Variants in FNDC3A observed in about 807,000 individuals in gnomAD.
FNDC3A encodes the protein fibronectin type-III domain-containing protein 3A.
A neutral mutation model predicts 148.9 loss-of-function variants in FNDC3A; 32 were observed. The ratio of observed to expected loss-of-function variants is 0.21; its 90% CI spans 0.16 to 0.29. The LOEUF (loss-of-function observed/expected upper bound fraction) is 0.29. Ranked by LOEUF, FNDC3A falls within the 10% of genes least tolerant of loss-of-function variation. FNDC3A has a pLI of 1.00. For missense variants in FNDC3A, 1,191 were observed against 1,452.8 expected, an observed-to-expected ratio of 0.82 and a Z score of 2.93; for synonymous variants, 472 against 473.6, an observed-to-expected ratio of 1.00 and a Z score of 0.04.
At chr13:48,986,035 CA>C (rs1218645508) in intron 1 of FNDC3A, among the ~76,000 whole-genome samples, 5 of 152,040 alleles carry the variant, frequency 3.3e-5, no homozygotes, top group South Asian at 2.1e-4. Context: ...TGTCTGAAGT[CA>C]TTGGTGTTTT....
intron 3 of FNDC3A, among the ~76,000 whole-genome samples, chr13:49,094,284 T>G (rs186084414): frequency 6.6e-6 from 1 of 152,144 alleles, no homozygotes; most frequent in African/African-American, 2.4e-5. Context: ...GCACAGAGTG[T>G]CCTTGTAAAA....
At chr13:48,989,490 A>G (rs541279390) in intron 1 of FNDC3A, among the ~76,000 whole-genome samples, 3 of 152,362 alleles carry the variant, frequency 2.0e-5, no homozygotes, top group African/African-American at 7.2e-5. Flanking sequence ...GATTAAAATT[A>G]CGTGTCAAAG....
At chr13:49,196,099 A>AAG (rs1886137946) in intron 19 of FNDC3A, among the ~76,000 whole-genome samples, 1 of 145,462 alleles carries the variant, frequency 6.9e-6, no homozygotes. Context: ...AAAAAAAAAA[A>AAG]AAAAAAGAAG....
At chr13:49,035,365 A>G (rs1243604864) in intron 2 of FNDC3A, among the ~76,000 whole-genome samples, 4 of 152,044 alleles carry the variant, frequency 2.6e-5, no homozygotes, top group Admixed American at 6.5e-5. Flanking sequence ...AAATGTGTAT[A>G]TGTGGGATAA....
chr13:49,143,829 T>A (rs1882825819), intron 7 of FNDC3A, among the ~76,000 whole-genome samples: 1 of 151,978 alleles, frequency 6.6e-6, no homozygotes. Flanking sequence ...TCCCCACAGA[T>A]CCTGATAAAG....
intron 3 of FNDC3A, among the ~76,000 whole-genome samples, chr13:49,078,744 C>G (rs902197375): frequency 2.6e-5 from 4 of 152,146 alleles, no homozygotes; most frequent in Admixed American, 6.5e-5. Flanking sequence ...TATGGCAAGC[C>G]CCTTCGTGGA....
chr13:49,093,745 T>G (rs888881597), intron 3 of FNDC3A, among the ~76,000 whole-genome samples: 2 of 152,160 alleles, frequency 1.3e-5, no homozygotes, highest in Non-Finnish European at 2.9e-5. Context: ...CCTGAAATAT[T>G]TAATATATTT....
chr13:49,018,543 T>G (rs890534022), intron 2 of FNDC3A, among the ~76,000 whole-genome samples: 4 of 152,298 alleles, frequency 2.6e-5, no homozygotes, highest in Non-Finnish European at 4.4e-5. Flanking sequence ...TGCCTTTGGT[T>G]TGAATTTCCT....
chr13:49,163,170 C>A (rs1593689459), intron 8 of FNDC3A, among the ~76,000 whole-genome samples: 1 of 152,314 alleles, frequency 6.6e-6, no homozygotes, highest in East Asian at 1.9e-4. Flanking sequence ...TCAAAGCTGT[C>A]AGACAGGAAC....
At chr13:49,053,701 G>A (rs550313538) in intron 2 of FNDC3A, among the ~76,000 whole-genome samples, 5 of 152,218 alleles carry the variant, frequency 3.3e-5, no homozygotes, top group Admixed American at 1.3e-4. Flanking sequence ...GGAGACCAGC[G>A]TTCTTATTAT....
At chr13:49,010,001 G>A (rs1408195114) in intron 2 of FNDC3A, among the ~76,000 whole-genome samples, 1 of 152,176 alleles carries the variant, frequency 6.6e-6, no homozygotes. Context: ...ATGGCACAAA[G>A]AGGCTAATGC....
intron 8 of FNDC3A, among the ~76,000 whole-genome samples, chr13:49,157,998 G>C (rs1593677673): frequency 2.0e-5 from 3 of 151,388 alleles, no homozygotes; most frequent in Admixed American, 6.6e-5. Context: ...TGCCCCCAGA[G>C]GTGGAGCCTA....
intron 1 of FNDC3A, chr13:48,987,942 T>C (rs1227395866): frequency 6.6e-6 from 1 of 152,210 alleles, no homozygotes; most frequent in African/African-American, 2.4e-5. Context: ...ATACTAAAAT[T>C]GGAACGATGC....
chr13:49,135,186 A>G (rs1210274103), intron 5 of FNDC3A, among the ~76,000 whole-genome samples: 1 of 151,866 alleles, frequency 6.6e-6, no homozygotes, highest in African/African-American at 2.4e-5. Flanking sequence ...AGAAATGTCT[A>G]TTTGAATTCT....
At position 49,176,637 on chromosome 13, in the gene FNDC3A, A is replaced by T. The variant is rs552892758; in HGVS notation, c.1530+1096A>T. 1.1e-3 allele frequency among the ~76,000 whole-genome samples: 175 copies of T among 152,250 alleles called. 1 individual carries two copies. Among genetic ancestry groups the T allele is most frequent in the African/African-American group, 3.7e-3 (152 of 41,534 alleles). On this transcript the variant is annotated intron_variant, in intron 13 of 25. Transcript: ENST00000492622. ...CTCAGAACTTAAAGTATAATTTTTT[A>T]AAAAATCAGAAAAAAAAACATTTTA...
At chr13:49,109,445 A>G (rs1281300092) in intron 3 of FNDC3A, among the ~76,000 whole-genome samples, 4 of 152,196 alleles carry the variant, frequency 2.6e-5, no homozygotes, top group Admixed American at 6.5e-5. Context: ...TTTCCACTGT[A>G]CAACTTGTTA....
chr13:49,159,900 A>G (rs746933450), intron 8 of FNDC3A, among the ~76,000 whole-genome samples: 1 of 152,114 alleles, frequency 6.6e-6, no homozygotes, highest in African/African-American at 2.4e-5. Flanking sequence ...CTTTGGTTCT[A>G]TTTATATGAT....
At chr13:49,008,032 A>G (rs1952255873) in intron 2 of FNDC3A, among the ~76,000 whole-genome samples, 1 of 152,114 alleles carries the variant, frequency 6.6e-6, no homozygotes, top group Admixed American at 6.6e-5. Context: ...TGGAGGTAAT[A>G]ATATCTTAAA....
At chr13:49,199,357 G>A (rs1237437804) in intron 23 of FNDC3A, among the ~76,000 whole-genome samples, 2 of 146,544 alleles carry the variant, frequency 1.4e-5, no homozygotes, top group Non-Finnish European at 3.0e-5. Context: ...TTGAGACGGA[G>A]TCTCACTCTC....
Sources: gnomAD v4.1 joint callset for allele counts (sites outside exome capture counted in the v4.1 genomes callset) on GRCh38, gnomAD v4.1.1 for gene constraint, MANE v1.5 for transcripts, NCBI Gene and HGNC (gene_info 2026-07-23, HGNC 2026-07-21) for gene names.